Variants in GLI2 observed in about 807,000 individuals in gnomAD.
GLI2 encodes the protein GLI family zinc finger 2.
GLI2 carries 22 observed loss-of-function variants against 78.9 expected under a neutral mutation model. That is an observed-to-expected ratio of 0.28 (90% CI 0.20 to 0.40). GLI2 has a LOEUF of 0.40. GLI2 is among the 10% of genes least tolerant of loss of function. GLI2 has a pLI of 1.00. For synonymous variants in GLI2, 974 were observed against 963.7 expected (o/e 1.01, Z -0.20); for missense variants, 2,097 against 2,213.2 (o/e 0.95, Z 1.05).
At chr2:120,799,568 G>T (rs1436672444) in intron 2 of GLI2, among the ~76,000 whole-genome samples, 1 of 152,200 alleles carries the variant, frequency 6.6e-6, no homozygotes, top group Non-Finnish European at 1.5e-5. Context: ...GGACATCGTG[G>T]GCCAAGTCTC....
At chr2:120,876,097 T>C (rs893559500) in intron 2 of GLI2, among the ~76,000 whole-genome samples, 2 of 152,086 alleles carry the variant, frequency 1.3e-5, no homozygotes, top group African/African-American at 4.8e-5. Context: ...ATCCCAGCAC[T>C]TTGGGAGGCC....
chr2:120,884,983 G>A (rs1677325907), intron 2 of GLI2, among the ~76,000 whole-genome samples: 1 of 152,272 alleles, frequency 6.6e-6, no homozygotes, highest in South Asian at 2.1e-4. Context: ...CTAACAGCTG[G>A]GCTGCTCCTG....
chr2:120,760,903 C>T (rs4848624), intron 1 of GLI2, among the ~76,000 whole-genome samples: 23,005 of 152,174 alleles, frequency 0.15, 2,076 homozygotes, highest in East Asian at 0.23. Flanking sequence ...TGACCCTGAA[C>T]GCCCTCTTGC....
At chr2:120,820,592 G>T (rs1168721731) in intron 2 of GLI2, among the ~76,000 whole-genome samples, 1 of 152,222 alleles carries the variant, frequency 6.6e-6, no homozygotes, top group Non-Finnish European at 1.5e-5. Flanking sequence ...GTGGGCTCCG[G>T]ACACCCTGCG....
intron 2 of GLI2, among the ~76,000 whole-genome samples, chr2:120,882,526 G>T (rs923814685): frequency 6.6e-6 from 1 of 152,284 alleles, no homozygotes; most frequent in African/African-American, 2.4e-5. Context: ...AAGCTTGGGA[G>T]AGGGCGGTGG....
intron 2 of GLI2, among the ~76,000 whole-genome samples, chr2:120,848,873 C>T (rs111581188): frequency 2.1e-3 from 314 of 152,224 alleles, no homozygotes; most frequent in African/African-American, 7.1e-3. Context: ...GCACTCCTGC[C>T]CCTGTGTGAC....
intron 1 of GLI2, among the ~76,000 whole-genome samples, chr2:120,784,574 G>C (rs980909953): frequency 2.0e-5 from 3 of 152,078 alleles, no homozygotes; most frequent in Non-Finnish European, 4.4e-5. Context: ...TCTGCAGACA[G>C]TGGGGAGTCC....
intron 2 of GLI2, among the ~76,000 whole-genome samples, chr2:120,885,206 C>A (rs985740011): frequency 2.0e-5 from 3 of 152,232 alleles, no homozygotes; most frequent in Admixed American, 1.3e-4. Flanking sequence ...AGAGGGTGAA[C>A]CTTTCTCTGT....
At chr2:120,804,990 G>A (rs1398973032) in intron 2 of GLI2, among the ~76,000 whole-genome samples, 2 of 152,202 alleles carry the variant, frequency 1.3e-5, no homozygotes, top group Non-Finnish European at 2.9e-5. Context: ...GTGCAGTGGC[G>A]ATGGTAGTGG....
rs1340833371 is a variant in GLI2 at position 120,989,048 on chromosome 2, A to T, written c.3083A>T (p.Asp1028Val). Residue 1028 changes from aspartate to valine, a missense_variant, in exon 14 of 14, where the codon GAC becomes GTC. Asp to Val is a radical substitution (Grantham distance 152). Around this residue, in one of 5 missense-constraint regions of GLI2, gnomAD observed 1,290 missense variants for 1,261.7 expected, o/e 1.02. Coordinates refer to ENST00000361492, the MANE Select transcript of GLI2 (RefSeq NM_001374353.1). ...VAMEAVAAGVDGAGPEADLGL... is the reference protein window; with the variant it reads ...VAMEAVAAGVVGAGPEADLGL... Reference sequence around the variant, plus strand: ...ATGGAGGCCGTGGCGGCAGGAGTGGACGGCGCGGGGCCCGAGGCCGACCTG... The same window carrying T: ...ATGGAGGCCGTGGCGGCAGGAGTGGTCGGCGCGGGGCCCGAGGCCGACCTG... 1 of 1,607,686 alleles carries T rather than the reference A, an allele frequency of 6.2e-7. No homozygotes were observed. The highest frequency in any genetic ancestry group is 1.7e-5 in the Admixed American group (1 of 59,946).
At chr2:120,809,504 C>A (rs55922034) in intron 2 of GLI2, among the ~76,000 whole-genome samples, 30,404 of 151,572 alleles carry the variant, frequency 0.2, 6,071 homozygotes, top group African/African-American at 0.52. Flanking sequence ...TACAAGGGTG[C>A]ATTTTATGGT....
chr2:120,821,034 C>A (rs1037554250), intron 2 of GLI2, among the ~76,000 whole-genome samples: 1 of 152,104 alleles, frequency 6.6e-6, no homozygotes, highest in Non-Finnish European at 1.5e-5. Context: ...ACCCACCCAC[C>A]TCCTCGAGGA....
chr2:120,893,967 G>GC (rs1257234605), intron 2 of GLI2, among the ~76,000 whole-genome samples: 1 of 152,190 alleles, frequency 6.6e-6, no homozygotes, highest in Admixed American at 6.5e-5. Flanking sequence ...TTAAGGGGGA[G>GC]CCACCTGACC....
intron 2 of GLI2, among the ~76,000 whole-genome samples, chr2:120,880,070 A>C (rs1331378407): frequency 6.6e-6 from 1 of 152,184 alleles, no homozygotes; most frequent in Non-Finnish European, 1.5e-5. Flanking sequence ...CTCTCTGTGC[A>C]CAGTGTTAAA....
chr2:120,871,261 G>A (rs1688412718), intron 2 of GLI2, among the ~76,000 whole-genome samples: 1 of 152,170 alleles, frequency 6.6e-6, no homozygotes, highest in East Asian at 1.9e-4. Flanking sequence ...CCAAAGCCAT[G>A]GCTTCCTTCT....
intron 2 of GLI2, among the ~76,000 whole-genome samples, chr2:120,823,135 G>A (rs567595239): frequency 6.6e-5 from 10 of 152,286 alleles, no homozygotes; most frequent in Admixed American, 2.0e-4. Flanking sequence ...GACATGCAGC[G>A]GCCGCACACC....
At chr2:120,948,467 C>T (rs1338500681) in intron 3 of GLI2, among the ~76,000 whole-genome samples, 2 of 152,178 alleles carry the variant, frequency 1.3e-5, no homozygotes, top group Non-Finnish European at 2.9e-5. Flanking sequence ...ATGGTGGCAA[C>T]TGCACCGTGG....
In GLI2 at chr2:120,972,079, C is replaced by T; in HGVS notation, c.1182+16C>T. The T allele has an allele frequency of 6.2e-7, 1 of 1,612,474 alleles. No individual in the cohort carries two copies. The highest frequency in any genetic ancestry group is 1.3e-5 in the African/African-American group (1 of 75,046). ...GCTGACGCAGGTAACCTGCTGCCAG[C>T]CGCACCACCTTCCTCCAGCTAGGAC... On this transcript the variant is annotated intron_variant, in intron 8 of 13. Coordinates refer to ENST00000361492, the MANE Select transcript of GLI2 (RefSeq NM_001374353.1).
In GLI2 at chr2:120,992,548, G is replaced by A. The variant is rs898270917; in HGVS notation, c.*1873G>A. ...CCTTGACAGTAGTTAATGAGAACCT[G>A]GGCAGTAAATTTGGTGCATTCGAGC... On this transcript the variant is annotated 3_prime_UTR_variant, in exon 14 of 14. Transcript: ENST00000361492. The A allele has an allele frequency of 6.6e-6, 1 of 152,156 alleles. No individual in the cohort carries two copies. Among genetic ancestry groups the A allele is most frequent in the African/African-American group, 2.4e-5 (1 of 41,424 alleles). 9.4% of individuals were successfully genotyped at this position (152,156 alleles called of 1,614,324 possible).
Sources: allele counts gnomAD v4.1 joint callset (sites outside exome capture counted in the v4.1 genomes callset), GRCh38; gene constraint gnomAD v4.1.1; regional missense constraint gnomAD v4.1.1; transcripts MANE v1.5; gene names NCBI Gene and HGNC (gene_info 2026-07-23, HGNC 2026-07-21).